MRTFA: variants seen among roughly 807,000 people sequenced by gnomAD.
MRTFA encodes myocardin-related transcription factor A.
MRTFA carries 20 observed loss-of-function variants against 83.5 expected under a neutral mutation model. The ratio of observed to expected loss-of-function variants is 0.24; its 90% CI spans 0.17 to 0.35. The LOEUF is 0.35. Among genes scored for constraint, MRTFA ranks in the 10% least tolerant of loss-of-function variants. The pLI, the probability that MRTFA is intolerant of heterozygous loss-of-function variation, is 1.00. For missense variants in MRTFA, 1,200 were observed against 1,224.7 expected (o/e 0.98, Z 0.30); for synonymous variants, 659 against 541.2 (o/e 1.22, Z -3.02).
chr22:40,423,779 A>G, intron 8 of MRTFA, 94 bp from the exon 9 acceptor site: 1 of 1,195,240 alleles, frequency 8.4e-7, no homozygotes. Context: ...AGACGCCACC[A>G]TTGTCAGAGG....
intron 3 of MRTFA, chr22:40,526,324 T>C (rs2054972454): frequency 6.6e-6 from 1 of 152,094 alleles, no homozygotes; most frequent in South Asian, 2.1e-4. Flanking sequence ...TGAGCCACCA[T>C]AACAGGCCCA....
chr22:40,456,609 G>A (rs1029059868), intron 4 of MRTFA, among the ~76,000 whole-genome samples: 1 of 152,160 alleles, frequency 6.6e-6, no homozygotes, highest in South Asian at 2.1e-4. Context: ...GATGGTTTGG[G>A]CCAGGAGGCA....
Position 40,410,884 on chromosome 22 carries a change from C to T in MRTFA, c.*506G>A, listed in dbSNP as rs1219562770. On this transcript the variant is annotated 3_prime_UTR_variant, in exon 15 of 15. Coordinates refer to ENST00000355630, the MANE Select transcript of MRTFA (RefSeq NM_020831.6). ...ACTAAATGGTTACACTACACCAAGA[C>T]ACTAAAATGGCAGGGAGCCCTGGGA... 1 of 234,006 alleles carries T rather than the reference C, an allele frequency of 4.3e-6. No homozygotes were observed. The highest frequency in any genetic ancestry group is 8.4e-6 in the Non-Finnish European group (1 of 118,816). 14.5% of individuals were successfully genotyped at this position (234,006 alleles called of 1,614,324 possible).
intron 1 of MRTFA, among the ~76,000 whole-genome samples, chr22:40,615,105 A>G (rs558788012): frequency 9.1e-4 from 139 of 152,140 alleles, no homozygotes; most frequent in Middle Eastern, 3.4e-3. Context: ...GATTTCTCCT[A>G]TAAGTTTTAT....
In MRTFA at chr22:40,419,068, G is replaced by C. The variant is rs1196909068; in HGVS notation, c.1670C>G (p.Pro557Arg). Residue 557 changes from proline to arginine, a missense_variant, in exon 12 of 15, where the codon CCC becomes CGC. By Grantham distance (103) the Pro-to-Arg change is moderately radical (BLOSUM62 -2). This residue lies in a region of MRTFA where 1,107 missense variants were observed against 1,041.8 expected (regional missense o/e 1.06). Transcript: ENST00000355630. ...CGTGCTGAGCAGTGAGCGCTCCGAG[G>C]GGGTGGGAGACACGGGGGGCGTGGA... 4 of 1,609,198 alleles carry C rather than the reference G, an allele frequency of 2.5e-6. No individual in the cohort carries two copies. The African/African-American group carries it at 4.0e-5, about 16-fold the overall frequency.
At position 40,419,047 on chromosome 22, in the gene MRTFA, C is replaced by G. The variant is rs755002617; in HGVS notation, c.1691G>C (p.Ser564Thr). The G allele has an allele frequency of 1.2e-6, 2 of 1,611,920 alleles. No individual in the cohort carries two copies. Among genetic ancestry groups the G allele is most frequent in the Non-Finnish European group, 1.7e-6 (2 of 1,179,610 alleles). ...GGGGGTGGAGTTTTCATCGCCCGTGCTGAGCAGTGAGCGCTCCGAGGGGGT... is the reference window on the plus strand; with the variant it reads ...GGGGGTGGAGTTTTCATCGCCCGTGGTGAGCAGTGAGCGCTCCGAGGGGGT... The change falls in exon 12 of 15, where the codon AGC becomes ACC. Residue 564 changes from serine to threonine, a missense_variant. This residue lies in a region of MRTFA where 1,107 missense variants were observed against 1,041.8 expected (regional missense o/e 1.06). Coordinates refer to ENST00000355630, the MANE Select transcript of MRTFA (RefSeq NM_020831.6).
chr22:40,459,862 T>TATATATATATATATACAC (rs796103400), intron 4 of MRTFA, among the ~76,000 whole-genome samples: 24 of 121,480 alleles, frequency 2.0e-4, no homozygotes, highest in African/African-American at 5.7e-4. Flanking sequence ...TATATATATA[T>TATATATATATATATACAC]ACACACATGA....
chr22:40,626,499 T>C (rs73169083), intron 1 of MRTFA, among the ~76,000 whole-genome samples: 15,291 of 152,044 alleles, frequency 0.1, 926 homozygotes, highest in East Asian at 0.25. Context: ...TGCCATGTTA[T>C]CTAGGCTGGT....
At chr22:40,536,923 A>G (rs1310495903) in intron 3 of MRTFA, among the ~76,000 whole-genome samples, 3 of 72,910 alleles carry the variant, frequency 4.1e-5, no homozygotes, top group Non-Finnish European at 8.4e-5. Flanking sequence ...GCCCCGTCTG[A>G]GAAGTGAGGA....
chr22:40,502,000 TCC>T (rs1381166968), intron 3 of MRTFA, among the ~76,000 whole-genome samples: 2 of 101,060 alleles, frequency 2.0e-5, no homozygotes, highest in Non-Finnish European at 4.1e-5. Context: ...CCCACCTCCC[TCC>T]CGGACGGGGC....
intron 2 of MRTFA, among the ~76,000 whole-genome samples, chr22:40,577,834 G>A (rs2055890346): frequency 6.6e-6 from 1 of 151,500 alleles, no homozygotes; most frequent in Non-Finnish European, 1.5e-5. Flanking sequence ...TCAAACTCCT[G>A]ACCTCAGGTG....
rs1380542635 is a variant in MRTFA at position 40,421,018 on chromosome 22, T to C, written c.1010A>G (p.Lys337Arg). 1.3e-6 allele frequency: 2 copies of C among 1,593,464 alleles called. No individual in the cohort carries two copies. The highest frequency in any genetic ancestry group is 1.1e-5 in the South Asian group (1 of 88,496). ...GTCCGGGGGGATGTACTGGTGGTACTTGAGCTTCTTCACCTTTGGCTTCAG... is the reference window on the plus strand; with the variant it reads ...GTCCGGGGGGATGTACTGGTGGTACCTGAGCTTCTTCACCTTTGGCTTCAG... The change falls in exon 10 of 15, where the codon AAG (lysine) becomes AGG (arginine). Residue 337 changes from lysine to arginine, a missense_variant. Physicochemically the swap from Lys to Arg is conservative, Grantham distance 26 (BLOSUM62 2). Coordinates refer to ENST00000355630, the MANE Select transcript of MRTFA (RefSeq NM_020831.6).
At chr22:40,614,054 T>G (rs915289550) in intron 1 of MRTFA, among the ~76,000 whole-genome samples, 13 of 148,884 alleles carry the variant, frequency 8.7e-5, no homozygotes, top group East Asian at 4.0e-4. Context: ...ACAAAAAAAT[T>G]AGCCGGGCAT....
intron 3 of MRTFA, among the ~76,000 whole-genome samples, chr22:40,510,285 A>C (rs1039665690): frequency 5.9e-5 from 9 of 152,192 alleles, no homozygotes; most frequent in Admixed American, 2.0e-4. Context: ...ATTAAAATGT[A>C]CATTAGGTGA....
intron 4 of MRTFA, among the ~76,000 whole-genome samples, chr22:40,459,001 G>A (rs2053645466): frequency 1.3e-5 from 2 of 151,624 alleles, no homozygotes; most frequent in African/African-American, 4.8e-5. Flanking sequence ...CTTGAACCCA[G>A]GAGGCAGAGG....
intron 3 of MRTFA, among the ~76,000 whole-genome samples, chr22:40,500,482 G>A (rs1015702014): frequency 1.9e-4 from 28 of 149,130 alleles, no homozygotes; most frequent in Middle Eastern, 3.4e-3. Flanking sequence ...TGGAGGGAAG[G>A]TCAGCAGATA....
rs139465064 is a variant in MRTFA, at chr22:40,548,143, G to T, written c.241+3963C>A. On this transcript the variant is annotated intron_variant, in intron 3 of 14. Coordinates refer to ENST00000355630, the MANE Select transcript of MRTFA (RefSeq NM_020831.6). ...AGGCCAGGGGCAGAGGGGATCACTT[G>T]AAGTCAGGAGTTCGAGACCTGCCTG... is the stretch of plus-strand genomic sequence containing the variant. Among the ~76,000 whole-genome samples the T allele has an allele frequency of 5.0e-3, 756 of 152,086 alleles. 17 individuals are homozygous for T. In the Middle Eastern group the frequency reaches 0.061, roughly 12 times the overall value.
At chr22:40,600,897 C>T (rs553797595) in intron 1 of MRTFA, among the ~76,000 whole-genome samples, 1 of 152,238 alleles carries the variant, frequency 6.6e-6, no homozygotes, top group Admixed American at 6.5e-5. Flanking sequence ...ATAGCTTGAA[C>T]CCGGAAGGTG....
Position 40,416,879 on chromosome 22 carries a change from A to G in MRTFA, c.2578+107T>C. 1 of 1,088,236 alleles carries G rather than the reference A, an allele frequency of 9.2e-7. No homozygotes were observed. Among genetic ancestry groups the G allele is most frequent in the Non-Finnish European group, 1.4e-6 (1 of 738,552 alleles). 67.4% of individuals were successfully genotyped at this position (1,088,236 alleles called of 1,614,324 possible). ...CCACTGCATCCACAGTGCTTGCCCA[A>G]GACTGGTCACGCACGGAAGCATTCA... On this transcript the variant is annotated intron_variant, in intron 14 of 14. Coordinates refer to ENST00000355630, the MANE Select transcript of MRTFA (RefSeq NM_020831.6). This position sits in a 1 kb window ranked among gnomAD's most constrained non-coding sequence, Gnocchi z 4.2.
Sources: gnomAD v4.1 joint callset for allele counts (sites outside exome capture counted in the v4.1 genomes callset) on GRCh38, gnomAD v4.1.1 for gene constraint, gnomAD v4.1.1 regional missense constraint, Gnocchi (gnomAD v3.1) non-coding constraint, MANE v1.5 for transcripts, NCBI Gene and HGNC (gene_info 2026-07-23, HGNC 2026-07-21) for gene names.